The following CDV3 variants were observed in gnomAD, a reference collection of about 807,000 sequenced individuals.
CDV3 encodes protein CDV3 homolog.
CDV3 carries 14 observed loss-of-function variants against 24.5 expected under a neutral mutation model. The ratio of observed to expected loss-of-function variants is 0.57; its 90% CI spans 0.38 to 0.89. The LOEUF is 0.89. CDV3 is among the 40% of genes least tolerant of loss of function. The pLI is 0.00. For missense variants in CDV3, 304 were observed against 310.2 expected (o/e 0.98, Z 0.15); for synonymous variants, 114 against 114.1 (o/e 1.00, Z 0.00).
chr3:133,575,541 T>G (rs2074773008), intron 2 of CDV3, among the ~76,000 whole-genome samples: 2 of 152,230 alleles, frequency 1.3e-5, no homozygotes, highest in Admixed American at 6.5e-5. Context: ...AGATAGAGGT[T>G]TTATGTGTTC....
At chr3:133,574,886 GT>G in intron 1 of CDV3, 152 bp from the exon 2 acceptor site, 1 of 730,474 alleles carries the variant, frequency 1.4e-6, no homozygotes, top group African/African-American at 1.8e-5. Context: ...ATTTAGCCTA[GT>G]TTGCCCCAGA....
rs1259357666 is a variant in CDV3 at position 133,590,081 on chromosome 3, CTT to C, written c.*2036_*2037del. 3 of 152,204 alleles carry C rather than the reference CTT, an allele frequency of 2.0e-5. No individual in the cohort carries two copies. Among genetic ancestry groups the C allele is most frequent in the African/African-American group, 2.4e-5 (1 of 41,536 alleles). 9.4% of individuals were successfully genotyped at this position (152,204 alleles called of 1,614,324 possible). A position where few individuals can be genotyped will look rare whatever the true frequency, so the allele number is the denominator to read the frequency against. On this transcript the variant is annotated 3_prime_UTR_variant, in exon 5 of 5. Transcript: ENST00000264993. Reference sequence around the variant, plus strand: ...CCTGCAGCAGATTTAAATTACAACTCTTGTTATAACTTTTTAAAAGATTGTGA... The same window carrying C: ...CCTGCAGCAGATTTAAATTACAACTCGTTATAACTTTTTAAAAGATTGTGA...
intron 1 of CDV3, 26 bp from the exon 2 acceptor site, chr3:133,575,013 T>C: frequency 6.9e-7 from 1 of 1,439,490 alleles, no homozygotes; most frequent in Non-Finnish European, 9.8e-7. Flanking sequence ...ATAGCTTTAA[T>C]TGATCAAATG....
chr3:133,587,600 T>C, intron 4 of CDV3: 1 of 1,136,398 alleles, frequency 8.8e-7, no homozygotes, highest in African/African-American at 1.6e-5. Flanking sequence ...GTAAGAGTCT[T>C]AGGAGGAATG....
chr3:133,584,810 G>T (rs1933416247), intron 3 of CDV3, among the ~76,000 whole-genome samples: 1 of 152,126 alleles, frequency 6.6e-6, no homozygotes, highest in Non-Finnish European at 1.5e-5. Context: ...ACAGTCATTT[G>T]TGGCCCACGA....
At chr3:133,575,691 TA>T (rs1328712378) in intron 2 of CDV3, among the ~76,000 whole-genome samples, 1 of 152,254 alleles carries the variant, frequency 6.6e-6, no homozygotes, top group African/African-American at 2.4e-5. Context: ...TAATTTTTTC[TA>T]AAACTTCATA....
At chr3:133,587,551 G>A (rs774726867) in intron 4 of CDV3, 18 of 1,099,178 alleles carry the variant, frequency 1.6e-5, no homozygotes, top group East Asian at 5.4e-5. Flanking sequence ...TTACCCTTGT[G>A]CATAAAGAGA....
At chr3:133,587,767 A>G (rs2107745643) in intron 4 of CDV3, 129 bp from the exon 5 acceptor site, 10 of 1,444,280 alleles carry the variant, frequency 6.9e-6, no homozygotes, top group South Asian at 1.6e-5. Context: ...AGGATTTTCT[A>G]TATGCCTCCA....
chr3:133,587,072 G>A (rs559328529), intron 4 of CDV3: 20 of 638,268 alleles, frequency 3.1e-5, no homozygotes, highest in Admixed American at 1.8e-4. Context: ...ATATAAAAGC[G>A]CTGTTTAATT....
rs1457105583 is a variant in CDV3, at chr3:133,588,568, A to G, written c.*522A>G. The G allele has an allele frequency of 3.2e-6, 2 of 618,426 alleles. No homozygotes were observed. The highest frequency in any genetic ancestry group is 5.5e-5 in the East Asian group (2 of 36,468). 38.3% of individuals were successfully genotyped at this position (618,426 alleles called of 1,614,324 possible). On this transcript the variant is annotated 3_prime_UTR_variant, in exon 5 of 5. Coordinates refer to ENST00000264993, the MANE Select transcript of CDV3 (RefSeq NM_017548.5). ...AAAGATGAAGATTTAAGTGACCTTA[A>G]TTAACCTGTCCTGTGCCCTACCCTT...
At chr3:133,583,909 A>C in intron 2 of CDV3, 93 bp from the exon 3 acceptor site, 1 of 855,562 alleles carries the variant, frequency 1.2e-6, no homozygotes, top group Admixed American at 2.6e-5. Flanking sequence ...TGACTTCTTC[A>C]GGGTCGTACA....
intron 3 of CDV3, among the ~76,000 whole-genome samples, chr3:133,584,648 A>T (rs1225912706): frequency 6.6e-6 from 1 of 152,172 alleles, no homozygotes. Context: ...ACAGAAAGAC[A>T]AGGGGCCCTT....
rs1933862397 is a variant in CDV3 at position 133,588,796 on chromosome 3, G to GT, written c.*750_*751insT. ...GGGGAAGGGAGAGAATAATCTTGGG[G>GT]GTTTTTTTTTTTTGGTAATTTTTTT... On this transcript the variant is annotated 3_prime_UTR_variant, in exon 5 of 5. Coordinates refer to ENST00000264993, the MANE Select transcript of CDV3 (RefSeq NM_017548.5). 2 of 97,830 alleles carry GT rather than the reference G, an allele frequency of 2.0e-5. No homozygotes were observed. The highest frequency in any genetic ancestry group is 3.0e-5 in the African/African-American group (1 of 33,336). 6.1% of individuals were successfully genotyped at this position (97,830 alleles called of 1,614,324 possible).
intron 4 of CDV3, 86 bp from the exon 5 acceptor site, chr3:133,587,810 T>G (rs188339131): frequency 6.6e-7 from 1 of 1,512,454 alleles, no homozygotes; most frequent in Non-Finnish European, 8.8e-7. Flanking sequence ...TTCTAAGGGG[T>G]GGCTTTTTTT....
chr3:133,576,078 C>T (rs762229275), intron 2 of CDV3, among the ~76,000 whole-genome samples: 15 of 152,206 alleles, frequency 9.9e-5, no homozygotes, highest in Non-Finnish European at 1.9e-4. Context: ...ATGTTAGTAT[C>T]TATAGCTTTA....
intron 2 of CDV3, among the ~76,000 whole-genome samples, chr3:133,578,175 T>TAGATG (rs2074888951): frequency 6.6e-6 from 1 of 152,034 alleles, no homozygotes; most frequent in Non-Finnish European, 1.5e-5. Flanking sequence ...TTTTTTTCTG[T>TAGATG]AGATGAGGTC....
At chr3:133,574,561 C>T (rs964446499) in intron 1 of CDV3, 32 of 986,222 alleles carry the variant, frequency 3.2e-5, no homozygotes, top group Middle Eastern at 5.2e-4. Context: ...GGTCTGGGGC[C>T]GCAGTGCCCA....
chr3:133,588,425 T>C lies in CDV3; in HGVS notation c.*379T>C. ...TTGTGGACTTCATGTGGATCACAAC[T>C]TCTGGATAAGAAGATTACAACTATT... On this transcript the variant is annotated 3_prime_UTR_variant, in exon 5 of 5. Transcript: ENST00000264993. 2 of 1,460,062 alleles carry C rather than the reference T, an allele frequency of 1.4e-6. No homozygotes were observed. Among genetic ancestry groups the C allele is most frequent in the Non-Finnish European group, 1.9e-6 (2 of 1,078,180 alleles). 90.4% of individuals were successfully genotyped at this position (1,460,062 alleles called of 1,614,324 possible).
chr3:133,586,682 C>A lies in CDV3; in HGVS notation c.586C>A (p.Pro196Thr). The change falls in exon 4 of 5, where the codon CCA becomes ACA. Residue 196 changes from proline (P) to threonine (T), a missense_variant. Coordinates refer to ENST00000264993, the MANE Select transcript of CDV3 (RefSeq NM_017548.5). ...PPEIYSDTQF[P>T]SLQSTAKHVE... is the part of the protein sequence containing the mutation. ...AGAAATCTACAGTGATACACAGTTC[C>A]CATCCCTGCAGTCAACTGCCAAGCA... 6.2e-7 allele frequency: 1 copy of A among 1,600,492 alleles called. No homozygotes were observed. Among genetic ancestry groups the A allele is most frequent in the Non-Finnish European group, 8.6e-7 (1 of 1,167,550 alleles).
Sources: gnomAD v4.1 joint callset for allele counts (sites outside exome capture counted in the v4.1 genomes callset) on GRCh38, gnomAD v4.1.1 for gene constraint, MANE v1.5 for transcripts, NCBI Gene and HGNC (gene_info 2026-07-23, HGNC 2026-07-21) for gene names.